Variants in SNTG1 observed in about 807,000 individuals in gnomAD.
SNTG1 encodes gamma-1-syntrophin.
A neutral mutation model predicts 74.7 loss-of-function variants in SNTG1; 39 were observed. The observed-to-expected ratio is 0.52, with a 90% CI of 0.40 to 0.68. The LOEUF (loss-of-function observed/expected upper bound fraction) is 0.68, where lower values mean the gene tolerates loss of function less well. Among genes scored for constraint, SNTG1 ranks in the 30% least tolerant of loss-of-function variants. The probability of loss-of-function intolerance (pLI) is 0.00; values close to 1 mark genes in which losing one functional copy is unlikely to be tolerated. For missense variants in SNTG1, 685 were observed against 609.5 expected (o/e 1.12, Z -1.30); for synonymous variants, 254 against 217.1 (o/e 1.17, Z -1.49).
chr8:50,389,491 T>C (rs2092624289), intron 2 of SNTG1, among the ~76,000 whole-genome samples: 1 of 152,104 alleles, frequency 6.6e-6, no homozygotes, highest in South Asian at 2.1e-4. Flanking sequence ...AGTGTTCTCA[T>C]TGTTGGCTTG....
Position 50,792,816 on chromosome 8 carries a change from A to C in SNTG1, c.1541A>C (p.Lys514Thr), listed in dbSNP as rs772037550. 4 of 1,611,816 alleles carry C rather than the reference A, an allele frequency of 2.5e-6. No individual in the cohort carries two copies. In the South Asian group the frequency reaches 4.4e-5, roughly 18 times the overall value. Residue 514 changes from lysine to threonine, a missense_variant, in exon 19 of 19, where the codon AAG becomes ACG. By Grantham distance (78) the Lys-to-Thr change is moderately conservative. Transcript: ENST00000642720. ...AASSATTSKAKYTT is the reference protein window; with the variant it reads ...AASSATTSKATYTT The stretch of plus-strand genomic sequence containing the variant: ...AGCTCTGCTACCACGAGCAAAGCAA[A>C]GTATACAACTTGACATACTGAACTC...
intron 1 of SNTG1, among the ~76,000 whole-genome samples, chr8:50,120,314 C>T (rs1014212632): frequency 1.4e-5 from 2 of 140,228 alleles, no homozygotes; most frequent in African/African-American, 5.2e-5. Flanking sequence ...ACCACCACCA[C>T]TACTGAAACT....
intron 12 of SNTG1, among the ~76,000 whole-genome samples, chr8:50,583,827 G>T (rs2094628520): frequency 6.6e-6 from 1 of 150,446 alleles, no homozygotes; most frequent in African/African-American, 2.5e-5. Flanking sequence ...CAACATGCAG[G>T]TCTGTTACAT....
chr8:50,144,829 A>G (rs1043257729), intron 1 of SNTG1, among the ~76,000 whole-genome samples: 3 of 152,314 alleles, frequency 2.0e-5, no homozygotes, highest in Non-Finnish European at 4.4e-5. Flanking sequence ...TAGTTGTAAA[A>G]GAAAGGGATC....
At chr8:50,722,046 T>C (rs1474600826) in intron 17 of SNTG1, among the ~76,000 whole-genome samples, 3 of 150,792 alleles carry the variant, frequency 2.0e-5, no homozygotes, top group Non-Finnish European at 4.4e-5. Context: ...AAAATTCTGC[T>C]TGATAAAATT....
At chr8:49,973,065 G>A (rs528023333) in intron 1 of SNTG1, among the ~76,000 whole-genome samples, 145 of 152,218 alleles carry the variant, frequency 9.5e-4, no homozygotes, top group Admixed American at 3.0e-3. Context: ...ACAAGCACAC[G>A]TATGTTTATT....
At chr8:50,653,253 G>A (rs1322042170) in intron 13 of SNTG1, among the ~76,000 whole-genome samples, 1 of 151,986 alleles carries the variant, frequency 6.6e-6, no homozygotes, top group African/African-American at 2.4e-5. Flanking sequence ...AGACCAGCCT[G>A]GGCAACATAG....
intron 1 of SNTG1, among the ~76,000 whole-genome samples, chr8:49,934,543 C>T (rs780123303): frequency 6.6e-6 from 1 of 152,064 alleles, no homozygotes; most frequent in African/African-American, 2.4e-5. Flanking sequence ...GAAGAGACCT[C>T]AGAGAGAAGG....
chr8:50,783,136 G>T (rs1336962149), intron 18 of SNTG1, among the ~76,000 whole-genome samples: 1 of 152,162 alleles, frequency 6.6e-6, no homozygotes, highest in African/African-American at 2.4e-5. Context: ...GGCTGCTCGG[G>T]GGTCAGGGGT....
At chr8:50,712,014 A>G (rs191792788) in intron 17 of SNTG1, among the ~76,000 whole-genome samples, 1 of 152,260 alleles carries the variant, frequency 6.6e-6, no homozygotes, top group Non-Finnish European at 1.5e-5. Flanking sequence ...GTATATGTGC[A>G]TTAATTAATT....
intron 3 of SNTG1, among the ~76,000 whole-genome samples, chr8:50,401,473 A>T (rs970916607): frequency 6.6e-6 from 1 of 152,218 alleles, no homozygotes; most frequent in Non-Finnish European, 1.5e-5. Flanking sequence ...AAGCAAACAC[A>T]TTGGATTAGG....
intron 2 of SNTG1, among the ~76,000 whole-genome samples, chr8:50,309,557 C>T (rs2090029884): frequency 6.6e-6 from 1 of 152,156 alleles, no homozygotes; most frequent in Non-Finnish European, 1.5e-5. Flanking sequence ...ATGCAAGCTG[C>T]ATTCATTAAT....
In SNTG1 at chr8:50,794,143, G is replaced by T. The variant is rs2095699047; in HGVS notation, c.*1314G>T. The T allele has an allele frequency of 1.3e-5, 2 of 150,582 alleles. No individual in the cohort carries two copies. The highest frequency in any genetic ancestry group is 2.4e-5 in the African/African-American group (1 of 41,026). The allele number at this position is 150,582 out of a possible 1,614,324, so 9.3% of individuals were successfully genotyped here. A position where few individuals can be genotyped will look rare whatever the true frequency, so the allele number is the denominator to read the frequency against. ...GTAAAAAAAAAAAAAAATTTTTATT[G>T]ATACACATGCTCCCAGGTAAACCAA... On this transcript the variant is annotated 3_prime_UTR_variant, in exon 19 of 19. Coordinates refer to ENST00000642720, the MANE Select transcript of SNTG1 (RefSeq NM_018967.5).
At chr8:50,059,846 T>G (rs1293299056) in intron 1 of SNTG1, among the ~76,000 whole-genome samples, 6 of 152,140 alleles carry the variant, frequency 3.9e-5, no homozygotes, top group Non-Finnish European at 2.9e-5. Flanking sequence ...TCATTTCTCT[T>G]AAGTATATAC....
chr8:50,495,774 C>T (rs577712226), intron 8 of SNTG1, among the ~76,000 whole-genome samples: 1 of 152,108 alleles, frequency 6.6e-6, no homozygotes, highest in Non-Finnish European at 1.5e-5. Context: ...AATGTATATA[C>T]CTGCAGGAAA....
At chr8:50,634,730 T>C (rs893932418) in intron 13 of SNTG1, among the ~76,000 whole-genome samples, 1 of 152,182 alleles carries the variant, frequency 6.6e-6, no homozygotes, top group African/African-American at 2.4e-5. Context: ...ATTAGTTTTG[T>C]ACAATTATAG....
chr8:50,720,826 G>C (rs1278315525), intron 17 of SNTG1, among the ~76,000 whole-genome samples: 1 of 152,182 alleles, frequency 6.6e-6, no homozygotes, highest in Non-Finnish European at 1.5e-5. Context: ...TATAGAATAA[G>C]TTATAAGCTA....
intron 8 of SNTG1, among the ~76,000 whole-genome samples, chr8:50,478,355 A>G (rs1372303798): frequency 6.6e-6 from 1 of 152,188 alleles, no homozygotes; most frequent in Non-Finnish European, 1.5e-5. Context: ...ATTTTTAATG[A>G]CAGGTTTTTG....
At chr8:50,371,038 G>C (rs2092256267) in intron 2 of SNTG1, among the ~76,000 whole-genome samples, 1 of 152,116 alleles carries the variant, frequency 6.6e-6, no homozygotes, top group African/African-American at 2.4e-5. Flanking sequence ...ATGTGACCAA[G>C]TTAGAAATGC....
Sources: allele counts gnomAD v4.1 joint callset (sites outside exome capture counted in the v4.1 genomes callset), GRCh38; gene constraint gnomAD v4.1.1; transcripts MANE v1.5; gene names NCBI Gene and HGNC (gene_info 2026-07-23, HGNC 2026-07-21).